ERBB4: variants seen among roughly 807,000 people sequenced by gnomAD.
ERBB4 encodes erb-b2 receptor tyrosine kinase 4, also known as receptor tyrosine-protein kinase erbB-4.
A neutral mutation model predicts 158.0 loss-of-function variants in ERBB4; 42 were observed. The ratio of observed to expected loss-of-function variants is 0.27; its 90% CI spans 0.21 to 0.34. The LOEUF is 0.34. Ranked by LOEUF, ERBB4 falls within the 10% of genes least tolerant of loss-of-function variation. The pLI, the probability that ERBB4 is intolerant of heterozygous loss-of-function variation, is 1.00. For missense variants in ERBB4, 1,333 were observed against 1,624.1 expected (o/e 0.82, Z 3.08); for synonymous variants, 583 against 558.7 (o/e 1.04, Z -0.61).
At chr2:212,315,986 G>A (rs2106250284) in intron 1 of ERBB4, among the ~76,000 whole-genome samples, 1 of 151,360 alleles carries the variant, frequency 6.6e-6, no homozygotes, top group South Asian at 2.1e-4. Flanking sequence ...CCAAATATAT[G>A]AGGAAGTAAA....
chr2:212,269,815 A>ATACTC (rs1039283861), intron 1 of ERBB4, among the ~76,000 whole-genome samples: 3 of 151,862 alleles, frequency 2.0e-5, no homozygotes, highest in Non-Finnish European at 4.4e-5. Flanking sequence ...TCACTGATTG[A>ATACTC]TACTCTACTC....
At chr2:211,758,381 G>C (rs1484265902) in intron 4 of ERBB4, among the ~76,000 whole-genome samples, 2 of 152,142 alleles carry the variant, frequency 1.3e-5, no homozygotes, top group East Asian at 3.9e-4. Context: ...ATAACAAAAT[G>C]TCTCAAAATA....
chr2:211,626,943 T>A (rs556486895), intron 17 of ERBB4, among the ~76,000 whole-genome samples: 5 of 83,648 alleles, frequency 6.0e-5, no homozygotes, highest in Admixed American at 4.8e-4. Flanking sequence ...AAAATAAAAA[T>A]AAATAAAAAA....
At chr2:212,189,795 G>T (rs1432994498) in intron 1 of ERBB4, among the ~76,000 whole-genome samples, 1 of 152,128 alleles carries the variant, frequency 6.6e-6, no homozygotes, top group African/African-American at 2.4e-5. Flanking sequence ...TCAGTGATTA[G>T]ATAGATGGAA....
At chr2:212,277,583 C>G (rs958605237) in intron 1 of ERBB4, among the ~76,000 whole-genome samples, 2 of 151,732 alleles carry the variant, frequency 1.3e-5, no homozygotes, top group African/African-American at 4.8e-5. Context: ...CTTCAGGTCT[C>G]AGCTCATACT....
chr2:211,467,442 T>C (rs2125517646), intron 20 of ERBB4, among the ~76,000 whole-genome samples: 1 of 152,284 alleles, frequency 6.6e-6, no homozygotes, highest in African/African-American at 2.4e-5. Flanking sequence ...TGTGTTGTTT[T>C]TAGGCAGCAC....
At chr2:211,715,496 G>T (rs1397483024) in intron 7 of ERBB4, among the ~76,000 whole-genome samples, 1 of 152,146 alleles carries the variant, frequency 6.6e-6, no homozygotes, top group African/African-American at 2.4e-5. Flanking sequence ...GATATGGTTT[G>T]GATCTGTGTC....
intron 16 of ERBB4, among the ~76,000 whole-genome samples, chr2:211,641,905 C>A (rs889851277): frequency 1.4e-5 from 2 of 144,604 alleles, no homozygotes; most frequent in East Asian, 4.2e-4. Context: ...AAATTATAAG[C>A]CCCATGAGGT....
At chr2:212,462,730 G>A (rs1308168929) in intron 1 of ERBB4, among the ~76,000 whole-genome samples, 1 of 152,088 alleles carries the variant, frequency 6.6e-6, no homozygotes, top group African/African-American at 2.4e-5. Flanking sequence ...ACTACCATAT[G>A]ATTCAGCAAT....
At chr2:211,773,706 G>T (rs1434104812) in intron 4 of ERBB4, among the ~76,000 whole-genome samples, 2 of 135,670 alleles carry the variant, frequency 1.5e-5, no homozygotes, top group African/African-American at 2.7e-5. Flanking sequence ...ATACTTTATA[G>T]TGAAGAATAT....
intron 5 of ERBB4, among the ~76,000 whole-genome samples, chr2:211,744,696 C>T (rs1335788281): frequency 6.6e-6 from 1 of 152,210 alleles, no homozygotes; most frequent in Non-Finnish European, 1.5e-5. Context: ...GAGGATAACT[C>T]CCAGCACATT....
chr2:212,287,478 T>C (rs1402751405), intron 1 of ERBB4, among the ~76,000 whole-genome samples: 1 of 152,200 alleles, frequency 6.6e-6, no homozygotes, highest in African/African-American at 2.4e-5. Flanking sequence ...TAATTTTTTA[T>C]GTTTTAAAAT....
At position 211,383,310 on chromosome 2, in the gene ERBB4, C is replaced by A; in HGVS notation, c.*305G>T. On this transcript the variant is annotated 3_prime_UTR_variant, in exon 28 of 28. Transcript: ENST00000342788. ...AGAAAAAGAAAAAGAAAAAAAGTGA[C>A]AGCTAGTTTGATAGTAGGCAGCATT... 3.3e-6 allele frequency: 1 copy of A among 307,344 alleles called. No individual in the cohort carries two copies. The highest frequency in any genetic ancestry group is 7.5e-5 in the South Asian group (1 of 13,372). The allele number at this position is 307,344 out of a possible 1,614,324, so 19.0% of individuals were successfully genotyped here.
intron 20 of ERBB4, among the ~76,000 whole-genome samples, chr2:211,467,390 G>A (rs2064720758): frequency 6.6e-6 from 1 of 152,070 alleles, no homozygotes; most frequent in Non-Finnish European, 1.5e-5. Flanking sequence ...TTATAAATGT[G>A]ATCTGTAAAA....
chr2:211,517,421 T>G (rs2066065695), intron 20 of ERBB4, among the ~76,000 whole-genome samples: 1 of 152,164 alleles, frequency 6.6e-6, no homozygotes, highest in Non-Finnish European at 1.5e-5. Flanking sequence ...GATTCCTATT[T>G]TCTTATCTAA....
intron 3 of ERBB4, among the ~76,000 whole-genome samples, chr2:211,790,855 C>T (rs1022194604): frequency 6.6e-6 from 1 of 151,876 alleles, no homozygotes; most frequent in Non-Finnish European, 1.5e-5. Flanking sequence ...GTCAAAGCCT[C>T]ACAGTCAGAG....
At chr2:212,131,673 A>G (rs936430815) in intron 1 of ERBB4, among the ~76,000 whole-genome samples, 1 of 152,196 alleles carries the variant, frequency 6.6e-6, no homozygotes, top group African/African-American at 2.4e-5. Flanking sequence ...TCCACAATGG[A>G]GGTAATAAGG....
intron 1 of ERBB4, among the ~76,000 whole-genome samples, chr2:212,300,005 C>T (rs1397782195): frequency 6.6e-6 from 1 of 151,546 alleles, no homozygotes; most frequent in South Asian, 2.1e-4. Context: ...CCCACATTTT[C>T]ATTTCCCCCT....
chr2:211,966,237 T>C (rs1192742073), intron 2 of ERBB4, among the ~76,000 whole-genome samples: 1 of 151,832 alleles, frequency 6.6e-6, no homozygotes, highest in African/African-American at 2.4e-5. Context: ...AGAATTTCAA[T>C]ATTATTATTA....
Sources: gnomAD v4.1 joint callset for allele counts (sites outside exome capture counted in the v4.1 genomes callset) on GRCh38, gnomAD v4.1.1 for gene constraint, MANE v1.5 for transcripts, NCBI Gene and HGNC (gene_info 2026-07-23, HGNC 2026-07-21) for gene names.